The following NRG1 variants were observed in gnomAD, a reference collection of about 807,000 sequenced individuals.
NRG1 encodes the protein pro-neuregulin-1, membrane-bound isoform.
A neutral mutation model predicts 63.8 loss-of-function variants in NRG1; 18 were observed. The ratio of observed to expected loss-of-function variants is 0.28; its 90% CI spans 0.19 to 0.42. The LOEUF (loss-of-function observed/expected upper bound fraction) is 0.42. NRG1 is among the 10% of genes least tolerant of loss of function. The pLI, the probability that NRG1 is intolerant of heterozygous loss-of-function variation, is 1.00. For synonymous variants in NRG1, 302 were observed against 301.3 expected (o/e 1.00, Z -0.02); for missense variants, 762 against 814.7 (o/e 0.94, Z 0.79).
chr8:32,178,593 G>C (rs1453823571), intron 1 of NRG1, among the ~76,000 whole-genome samples: 3 of 152,196 alleles, frequency 2.0e-5, no homozygotes, highest in African/African-American at 7.2e-5. Context: ...CTAGGTGATA[G>C]AGTGAGACTC....
chr8:31,813,165 C>T (rs1457860449), intron 1 of NRG1, among the ~76,000 whole-genome samples: 3 of 152,070 alleles, frequency 2.0e-5, no homozygotes, highest in Admixed American at 2.0e-4. Flanking sequence ...ATACCTTTTG[C>T]ATATAAGAAA....
rs191360048 is a variant in NRG1 at position 32,396,035 on chromosome 8, A to C, written c.38-199793A>C. On this transcript the variant is annotated intron_variant, in intron 1 of 10. Transcript: ENST00000519301. The stretch of plus-strand genomic sequence containing the variant: ...CTGCTTTGTTAAAAATAAATTGACT[A>C]TGTGTAAGTCTATTTCTGGTATCTC... Among the ~76,000 whole-genome samples the C allele has an allele frequency of 1.7e-3, 259 of 152,270 alleles. 1 individual carries two copies. Among genetic ancestry groups the C allele is most frequent in the Middle Eastern group, 6.8e-3 (2 of 294 alleles).
chr8:31,783,603 C>CAAAAAA (rs772436543), intron 1 of NRG1, among the ~76,000 whole-genome samples: 13 of 110,562 alleles, frequency 1.2e-4, no homozygotes, highest in South Asian at 3.0e-4. Context: ...TGTTTTCAGG[C>CAAAAAA]AAAAAAAAAA....
In NRG1 at chr8:32,270,503, A is replaced by G. The variant is rs1586534844; in HGVS notation, c.38-325325A>G. ...GGACATAACCAAATCAGAGGGCAAC[A>G]CAAATTTACATGGGTACTTGTGAGG... On this transcript the variant is annotated intron_variant, in intron 1 of 10. Transcript: ENST00000519301. 2.0e-5 allele frequency among the ~76,000 whole-genome samples: 3 copies of G among 152,376 alleles called. No individual in the cohort carries two copies. In the South Asian group the frequency reaches 6.2e-4, roughly 32 times the overall value.
chr8:32,410,335 C>A (rs1036885055), intron 1 of NRG1, among the ~76,000 whole-genome samples: 2 of 151,848 alleles, frequency 1.3e-5, no homozygotes, highest in African/African-American at 4.8e-5. Context: ...TACATGCCAC[C>A]ATGCCCAGCT....
At chr8:32,752,376 T>G (rs1467927817) in intron 7 of NRG1, among the ~76,000 whole-genome samples, 3 of 152,166 alleles carry the variant, frequency 2.0e-5, no homozygotes, top group Non-Finnish European at 2.9e-5. Flanking sequence ...AATTAACATA[T>G]AAGCACTCAC....
At chr8:32,527,319 G>T (rs1830961418) in intron 1 of NRG1, among the ~76,000 whole-genome samples, 1 of 151,068 alleles carries the variant, frequency 6.6e-6, no homozygotes, top group Non-Finnish European at 1.5e-5. Context: ...ACACACCGTG[G>T]AATACTACTA....
intron 1 of NRG1, among the ~76,000 whole-genome samples, chr8:32,399,476 C>T (rs946519742): frequency 2.0e-5 from 3 of 152,208 alleles, no homozygotes; most frequent in South Asian, 2.1e-4. Flanking sequence ...GGGCAGAGGG[C>T]GGCAGATCAC....
At chr8:32,191,695 G>A (rs1842512234) in intron 1 of NRG1, among the ~76,000 whole-genome samples, 1 of 152,186 alleles carries the variant, frequency 6.6e-6, no homozygotes, top group Non-Finnish European at 1.5e-5. Context: ...ATGGGGATGG[G>A]GAAGACAGAG....
intron 5 of NRG1, among the ~76,000 whole-genome samples, chr8:32,623,205 A>G (rs755021485): frequency 2.0e-5 from 3 of 152,204 alleles, no homozygotes; most frequent in Non-Finnish European, 4.4e-5. Context: ...GCACACTAAT[A>G]TGTATTGATT....
At chr8:31,872,713 G>T (rs1829592084) in intron 1 of NRG1, among the ~76,000 whole-genome samples, 3 of 152,182 alleles carry the variant, frequency 2.0e-5, no homozygotes, top group Admixed American at 6.5e-5. Flanking sequence ...TAAGAGTAAA[G>T]CATGGAAACA....
At chr8:32,389,199 A>T (rs950913110) in intron 1 of NRG1, among the ~76,000 whole-genome samples, 1 of 152,152 alleles carries the variant, frequency 6.6e-6, no homozygotes, top group Non-Finnish European at 1.5e-5. Context: ...AAGAAACGTA[A>T]ACCAAATACC....
chr8:32,311,091 A>C (rs41388144), intron 1 of NRG1, among the ~76,000 whole-genome samples: 15,339 of 152,184 alleles, frequency 0.1, 993 homozygotes, highest in Middle Eastern at 0.15. Flanking sequence ...ATGTAGTACC[A>C]GTCAGGCACT....
At chr8:31,806,830 A>T (rs868220608) in intron 1 of NRG1, among the ~76,000 whole-genome samples, 9 of 152,228 alleles carry the variant, frequency 5.9e-5, no homozygotes, top group African/African-American at 1.9e-4. Flanking sequence ...AGACCAACCC[A>T]TTAATGTGCA....
intron 1 of NRG1, among the ~76,000 whole-genome samples, chr8:31,876,712 A>T (rs1027365444): frequency 6.6e-6 from 1 of 152,202 alleles, no homozygotes; most frequent in Non-Finnish European, 1.5e-5. Context: ...TTTGCATTTG[A>T]CATTATCTAC....
At chr8:31,668,744 T>C (rs960874832) in intron 1 of NRG1, among the ~76,000 whole-genome samples, 10 of 152,186 alleles carry the variant, frequency 6.6e-5, no homozygotes, top group Admixed American at 6.5e-4. Flanking sequence ...TTCTATGAGT[T>C]TACAGATACA....
At chr8:32,719,560 T>G (rs532917746) in intron 5 of NRG1, among the ~76,000 whole-genome samples, 1 of 152,208 alleles carries the variant, frequency 6.6e-6, no homozygotes, top group Non-Finnish European at 1.5e-5. Context: ...GATAACCCCT[T>G]AATATTATTA....
At chr8:31,698,311 C>G (rs180685330) in intron 1 of NRG1, among the ~76,000 whole-genome samples, 1 of 152,286 alleles carries the variant, frequency 6.6e-6, no homozygotes, top group East Asian at 1.9e-4. Flanking sequence ...CAGTTTCTCT[C>G]ATGACAAGGA....
intron 1 of NRG1, among the ~76,000 whole-genome samples, chr8:32,281,259 C>A (rs542222177): frequency 1.1e-3 from 149 of 140,244 alleles, no homozygotes; most frequent in Non-Finnish European, 2.0e-3. Flanking sequence ...CTCACTGCAA[C>A]CTCCGCTCCT....
Sources: allele counts gnomAD v4.1 joint callset (sites outside exome capture counted in the v4.1 genomes callset), GRCh38; gene constraint gnomAD v4.1.1; transcripts MANE v1.5; gene names NCBI Gene and HGNC (gene_info 2026-07-23, HGNC 2026-07-21).